The following MYO3B variants were observed in gnomAD, a reference collection of about 807,000 sequenced individuals.
MYO3B encodes myosin IIIB.
In MYO3B, 156 loss-of-function variants were observed where a neutral mutation model predicts 174.6. That is an observed-to-expected ratio of 0.89 (90% CI 0.78 to 1.02). The LOEUF (loss-of-function observed/expected upper bound fraction) is 1.02, where lower values mean the gene tolerates loss of function less well. MYO3B is among the 50% of genes least tolerant of loss of function. The pLI is 0.00. For missense variants in MYO3B, 1,632 were observed against 1,639.4 expected (o/e 1.00, Z 0.08); for synonymous variants, 563 against 569.1 (o/e 0.99, Z 0.15).
intron 25 of MYO3B, among the ~76,000 whole-genome samples, chr2:170,467,436 A>C (rs1233169087): frequency 6.6e-6 from 1 of 152,110 alleles, no homozygotes; most frequent in Non-Finnish European, 1.5e-5. Context: ...CCTAAGAATG[A>C]AATGCTGCTC....
In MYO3B at chr2:170,283,423, T is replaced by C. The variant is rs139341701; in HGVS notation, c.749+47287T>C. On this transcript the variant is annotated intron_variant, in intron 7 of 34. Transcript: ENST00000408978. ...CTTTACTTATATGTTCTATTTAAAGTGTGACTATCTACTTGCTATTTTTGT... is the reference window on the plus strand; with the variant it reads ...CTTTACTTATATGTTCTATTTAAAGCGTGACTATCTACTTGCTATTTTTGT... 3.3e-5 allele frequency among the ~76,000 whole-genome samples: 5 copies of C among 152,340 alleles called. No individual in the cohort carries two copies. In the East Asian group the frequency reaches 9.6e-4, roughly 29 times the overall value.
At chr2:170,362,035 A>G (rs1405252047) in intron 8 of MYO3B, among the ~76,000 whole-genome samples, 1 of 152,196 alleles carries the variant, frequency 6.6e-6, no homozygotes, top group Non-Finnish European at 1.5e-5. Flanking sequence ...GGGGCATTAC[A>G]GGGTTACATA....
chr2:170,180,127 A>G (rs1392983682), intron 1 of MYO3B: 7 of 416,410 alleles, frequency 1.7e-5, no homozygotes, highest in Non-Finnish European at 3.5e-5. Context: ...GCTAGGCTTG[A>G]CTAACTGCAG....
chr2:170,420,088 TAGG>T (rs1395486468), intron 22 of MYO3B, among the ~76,000 whole-genome samples: 1 of 151,670 alleles, frequency 6.6e-6, no homozygotes, highest in Admixed American at 6.6e-5. Flanking sequence ...GAGGCTGAGG[TAGG>T]AGAATTGTTT....
At chr2:170,633,113 T>C (rs922514136) in intron 32 of MYO3B, among the ~76,000 whole-genome samples, 4 of 152,202 alleles carry the variant, frequency 2.6e-5, no homozygotes, top group African/African-American at 7.2e-5. Context: ...CCTCCCTAAC[T>C]CATTTTATGA....
chr2:170,634,464 T>G (rs1200691659), intron 32 of MYO3B, among the ~76,000 whole-genome samples: 2 of 147,714 alleles, frequency 1.4e-5, no homozygotes, highest in Non-Finnish European at 3.0e-5. Context: ...ATACAAAAAT[T>G]AATTCAAGAT....
chr2:170,243,777 T>G (rs2093161281), intron 7 of MYO3B, among the ~76,000 whole-genome samples: 1 of 152,162 alleles, frequency 6.6e-6, no homozygotes, highest in South Asian at 2.1e-4. Flanking sequence ...ATGAGATCAG[T>G]CATTTGAAAG....
At chr2:170,469,372 G>T (rs1293052166) in intron 25 of MYO3B, among the ~76,000 whole-genome samples, 1 of 152,178 alleles carries the variant, frequency 6.6e-6, no homozygotes, top group African/African-American at 2.4e-5. Context: ...GGCTTACTTA[G>T]TTTCTAAGTC....
chr2:170,388,700 G>A (rs1023854268), intron 14 of MYO3B, among the ~76,000 whole-genome samples: 1 of 152,192 alleles, frequency 6.6e-6, no homozygotes, highest in Non-Finnish European at 1.5e-5. Flanking sequence ...AGATTCATGT[G>A]AGAGAGAACG....
chr2:170,326,747 C>T (rs990041347), intron 7 of MYO3B, among the ~76,000 whole-genome samples: 1 of 152,184 alleles, frequency 6.6e-6, no homozygotes, highest in Non-Finnish European at 1.5e-5. Context: ...GTGATTCATG[C>T]CTTTTGTGAA....
chr2:170,619,764 T>TTTTTTTTTTTTTG, intron 32 of MYO3B, among the ~76,000 whole-genome samples: 1 of 139,972 alleles, frequency 7.1e-6, no homozygotes, highest in East Asian at 2.0e-4. Context: ...TTTTTTTTTT[T>TTTTTTTTTTTTTG]GAGACAGAGT....
chr2:170,384,341 A>G (rs1423461014), intron 12 of MYO3B, among the ~76,000 whole-genome samples: 1 of 152,184 alleles, frequency 6.6e-6, no homozygotes, highest in Non-Finnish European at 1.5e-5. Context: ...AGGCTCATCC[A>G]TTTTACCTTT....
chr2:170,270,191 T>C (rs1200419492), intron 7 of MYO3B, among the ~76,000 whole-genome samples: 1 of 152,208 alleles, frequency 6.6e-6, no homozygotes, highest in African/African-American at 2.4e-5. Context: ...TACTGTATTA[T>C]TTAAATATTT....
chr2:170,206,050 C>T lies in MYO3B; in HGVS notation c.321+5766C>T, dbSNP rs2092710818. Reference sequence around the variant, plus strand: ...GTCATTGGCCTTCCTCCTCCATCTCCCTGCCCCAGGATTCTGGCATCCTTT... The same window carrying T: ...GTCATTGGCCTTCCTCCTCCATCTCTCTGCCCCAGGATTCTGGCATCCTTT... On this transcript the variant is annotated intron_variant, in intron 3 of 34. Coordinates refer to ENST00000408978, the MANE Select transcript of MYO3B (RefSeq NM_138995.5). The surrounding 1 kb of genome is among the most constrained non-coding windows in gnomAD (Gnocchi z 4.3). Among the ~76,000 whole-genome samples, 2 of 152,100 alleles carry T rather than the reference C, an allele frequency of 1.3e-5. No individual in the cohort carries two copies. Among genetic ancestry groups the T allele is most frequent in the African/African-American group, 4.8e-5 (2 of 41,404 alleles).
intron 22 of MYO3B, among the ~76,000 whole-genome samples, chr2:170,437,295 GC>G (rs775859829): frequency 6.6e-6 from 1 of 152,066 alleles, no homozygotes; most frequent in Non-Finnish European, 1.5e-5. Context: ...CCAAAATATG[GC>G]CCCTTGACCT....
In MYO3B at chr2:170,491,535, C is replaced by G. The variant is rs530305361; in HGVS notation, c.3015-7057C>G. Among the ~76,000 whole-genome samples, 3 of 152,296 alleles carry G rather than the reference C, an allele frequency of 2.0e-5. No individual in the cohort carries two copies. The South Asian group carries it at 6.2e-4, about 32-fold the overall frequency. The stretch of plus-strand genomic sequence containing the variant: ...CCGCCTCCCAGGTTCACGCCATTCT[C>G]CTGCCTCAGCCTCCCGAGTAGCTGG... On this transcript the variant is annotated intron_variant, in intron 25 of 34. Transcript: ENST00000408978.
At chr2:170,566,254 A>G (rs1412126881) in intron 32 of MYO3B, among the ~76,000 whole-genome samples, 1 of 152,216 alleles carries the variant, frequency 6.6e-6, no homozygotes, top group African/African-American at 2.4e-5. Flanking sequence ...TTAACTGTTT[A>G]TGTTACAAAA....
chr2:170,470,995 T>A (rs1684946185), intron 25 of MYO3B, among the ~76,000 whole-genome samples: 1 of 152,130 alleles, frequency 6.6e-6, no homozygotes, highest in South Asian at 2.1e-4. Context: ...TCTCTCTTTT[T>A]TTTTTAATGA....
chr2:170,302,658 G>A (rs1052971494), intron 7 of MYO3B, among the ~76,000 whole-genome samples: 1 of 152,110 alleles, frequency 6.6e-6, no homozygotes, highest in Non-Finnish European at 1.5e-5. Context: ...GGCAGGGGTG[G>A]GGGAAAAGAT....
Sources: gnomAD v4.1 joint callset for allele counts (sites outside exome capture counted in the v4.1 genomes callset) on GRCh38, gnomAD v4.1.1 for gene constraint, Gnocchi (gnomAD v3.1) non-coding constraint, MANE v1.5 for transcripts, NCBI Gene and HGNC (gene_info 2026-07-23, HGNC 2026-07-21) for gene names.